Variants in CHN2 observed in about 807,000 individuals in gnomAD.
CHN2 encodes chimerin 2, also known as beta-chimaerin.
Under a neutral mutation model 56.3 loss-of-function variants are expected in CHN2, and 35 were observed. The observed-to-expected ratio is 0.62, with a 90% CI of 0.47 to 0.82. The LOEUF (loss-of-function observed/expected upper bound fraction) is 0.82. Among genes scored for constraint, CHN2 ranks in the 40% least tolerant of loss-of-function variants. CHN2 has a pLI of 0.00. For missense variants in CHN2, 491 were observed against 580.5 expected (o/e 0.85, Z 1.58); for synonymous variants, 210 against 212.8 (o/e 0.99, Z 0.12).
At chr7:29,267,174 C>T (rs1790217602) in intron 1 of CHN2, among the ~76,000 whole-genome samples, 1 of 152,022 alleles carries the variant, frequency 6.6e-6, no homozygotes, top group South Asian at 2.1e-4. Flanking sequence ...ATCCAATGCA[C>T]AACGCTGTAT....
intron 2 of CHN2, among the ~76,000 whole-genome samples, chr7:29,182,737 T>G (rs1430740846): frequency 6.6e-6 from 1 of 152,234 alleles, no homozygotes; most frequent in Non-Finnish European, 1.5e-5. Context: ...GTCTGAAGCA[T>G]TAAGGTTCTT....
intron 7 of CHN2, among the ~76,000 whole-genome samples, chr7:29,480,733 C>T (rs547289882): frequency 3.3e-5 from 5 of 152,162 alleles, no homozygotes; most frequent in Non-Finnish European, 5.9e-5. Context: ...TTGCTGTCTC[C>T]GAGCAAGGGA....
chr7:29,419,564 A>G (rs371447922), intron 6 of CHN2, among the ~76,000 whole-genome samples: 10 of 152,212 alleles, frequency 6.6e-5, no homozygotes, highest in African/African-American at 2.2e-4. Context: ...AATGGGACAA[A>G]ATATTGCAAA....
intron 6 of CHN2, among the ~76,000 whole-genome samples, chr7:29,407,933 A>T (rs1044875018): frequency 6.6e-6 from 1 of 152,184 alleles, no homozygotes; most frequent in African/African-American, 2.4e-5. Flanking sequence ...CATGCCTGTA[A>T]TCCCAGCACT....
At chr7:29,438,572 A>G (rs527425564) in intron 6 of CHN2, among the ~76,000 whole-genome samples, 3 of 152,264 alleles carry the variant, frequency 2.0e-5, no homozygotes, top group South Asian at 4.1e-4. Context: ...ATCTTTGCAA[A>G]TGTTCAACTA....
Position 29,259,043 on chromosome 7 carries a change from A to G in CHN2, c.49+64053A>G, listed in dbSNP as rs562026497. Among the ~76,000 whole-genome samples the G allele has an allele frequency of 3.9e-4, 59 of 150,980 alleles. No individual in the cohort carries two copies. The South Asian group carries it at 9.7e-3, about 25-fold the overall frequency. On this transcript the variant is annotated intron_variant, in intron 1 of 12. Coordinates refer to ENST00000222792, the MANE Select transcript of CHN2 (RefSeq NM_004067.4). The stretch of plus-strand genomic sequence containing the variant: ...TAGCTTAAAAAAAAAAAAAAAAAGA[A>G]TGGGCCATGTTCAGTGGCTCATGCC...
At chr7:29,232,777 A>G (rs867064632) in intron 1 of CHN2, among the ~76,000 whole-genome samples, 2 of 152,160 alleles carry the variant, frequency 1.3e-5, no homozygotes, top group African/African-American at 2.4e-5. Flanking sequence ...GTACCATTAA[A>G]TTTTGCAGGC....
chr7:29,438,689 C>G (rs1282428564), intron 6 of CHN2, among the ~76,000 whole-genome samples: 1 of 152,188 alleles, frequency 6.6e-6, no homozygotes, highest in Admixed American at 6.5e-5. Context: ...GAACCTCTTT[C>G]CTCTCCTCTT....
intron 2 of CHN2, among the ~76,000 whole-genome samples, chr7:29,189,118 T>TC (rs1394282702): frequency 5.9e-5 from 9 of 151,960 alleles, no homozygotes; most frequent in Non-Finnish European, 1.2e-4. Flanking sequence ...GCCTGGCTAA[T>TC]TTTTATATTT....
At chr7:29,322,900 T>C (rs1795474334) in intron 1 of CHN2, among the ~76,000 whole-genome samples, 1 of 152,112 alleles carries the variant, frequency 6.6e-6, no homozygotes, top group Admixed American at 6.5e-5. Flanking sequence ...CGGTGGCTCA[T>C]GCCTATAATC....
At chr7:29,441,514 G>A (rs546709049) in intron 6 of CHN2, among the ~76,000 whole-genome samples, 1 of 152,192 alleles carries the variant, frequency 6.6e-6, no homozygotes, top group Non-Finnish European at 1.5e-5. Flanking sequence ...GTCAGAAAGT[G>A]AACAGAGAAC....
In CHN2 at chr7:29,170,930, A is replaced by T. The variant is rs559669765; in HGVS notation, c.274+23970A>T. On this transcript the variant is annotated intron_variant, in intron 2 of 6. Transcript: ENST00000439384. Reference sequence around the variant, plus strand: ...TGAGACTTACTCACTATCACAAGAAAAACATGGGAAAGACCTGCCCCCATG... The same window carrying T: ...TGAGACTTACTCACTATCACAAGAATAACATGGGAAAGACCTGCCCCCATG... 1.3e-4 allele frequency among the ~76,000 whole-genome samples: 20 copies of T among 152,248 alleles called. 1 individual carries two copies. Among genetic ancestry groups the T allele is most frequent in the Middle Eastern group, 3.4e-3 (1 of 294 alleles).
chr7:29,213,240 A>G, intron 1 of CHN2: 1 of 1,046,486 alleles, frequency 9.6e-7, no homozygotes, highest in Non-Finnish European at 1.5e-6. Flanking sequence ...GATATTACTC[A>G]GTTTCACTCT....
At chr7:29,508,276 C>A (rs1157387102) in intron 11 of CHN2, among the ~76,000 whole-genome samples, 1 of 151,036 alleles carries the variant, frequency 6.6e-6, no homozygotes, top group East Asian at 2.0e-4. Context: ...GAAAAGGGGG[C>A]AGGTCTGGGG....
At chr7:29,234,976 C>T (rs12700945) in intron 1 of CHN2, among the ~76,000 whole-genome samples, 57,845 of 151,592 alleles carry the variant, frequency 0.38, 11,152 homozygotes, top group East Asian at 0.54. Flanking sequence ...TGGTACAGTT[C>T]TATTAATTCA....
At chr7:29,393,597 A>T in intron 3 of CHN2, 82 bp from the exon 4 acceptor site, 1 of 616,056 alleles carries the variant, frequency 1.6e-6, no homozygotes, top group South Asian at 1.7e-5. Context: ...CCAGGACCCT[A>T]GTTCTGTTTA....
At chr7:29,251,175 C>T (rs943157086) in intron 1 of CHN2, among the ~76,000 whole-genome samples, 4 of 152,142 alleles carry the variant, frequency 2.6e-5, no homozygotes, top group Admixed American at 2.6e-4. Context: ...AATACCAGAC[C>T]AGGCATGTGG....
intron 1 of CHN2, among the ~76,000 whole-genome samples, chr7:29,238,076 G>T (rs1213699841): frequency 6.9e-6 from 1 of 144,544 alleles, no homozygotes; most frequent in African/African-American, 2.6e-5. Context: ...GGAGTGCAGT[G>T]GTACGATCTC....
intron 6 of CHN2, among the ~76,000 whole-genome samples, chr7:29,469,814 C>T (rs1370280256): frequency 6.6e-6 from 1 of 152,160 alleles, no homozygotes; most frequent in African/African-American, 2.4e-5. Flanking sequence ...GTTGTCTACT[C>T]TCTTAGAGTG....
Sources: allele counts gnomAD v4.1 joint callset (sites outside exome capture counted in the v4.1 genomes callset), GRCh38; gene constraint gnomAD v4.1.1; transcripts MANE v1.5; gene names NCBI Gene and HGNC (gene_info 2026-07-23, HGNC 2026-07-21).